Variants in LURAP1L observed in about 807,000 individuals in gnomAD.
LURAP1L encodes leucine rich adaptor protein 1 like, also known as leucine rich adaptor protein 1-like.
Under a neutral mutation model 13.8 loss-of-function variants are expected in LURAP1L, and 12 were observed. The ratio of observed to expected loss-of-function variants is 0.87; its 90% CI spans 0.56 to 1.41. LURAP1L has a LOEUF of 1.41. LURAP1L is among the 40% of genes most tolerant of loss of function. The pLI, the probability that LURAP1L is intolerant of heterozygous loss-of-function variation, is 0.00. For missense variants in LURAP1L, 375 were observed against 292.9 expected (o/e 1.28, Z -2.04); for synonymous variants, 139 against 119.2 (o/e 1.17, Z -1.08).
intron 1 of LURAP1L, among the ~76,000 whole-genome samples, chr9:12,799,392 T>C (rs1474576188): frequency 6.6e-6 from 1 of 152,206 alleles, no homozygotes; most frequent in Non-Finnish European, 1.5e-5. Context: ...ATAATATCAG[T>C]GATATTTACA....
At chr9:12,806,822 T>C (rs2118526440) in intron 1 of LURAP1L, among the ~76,000 whole-genome samples, 1 of 151,916 alleles carries the variant, frequency 6.6e-6, no homozygotes, top group Non-Finnish European at 1.5e-5. Flanking sequence ...CGCTATGCTC[T>C]ACCAGGGTCT....
At chr9:12,802,547 G>A (rs1309077210) in intron 1 of LURAP1L, among the ~76,000 whole-genome samples, 1 of 152,164 alleles carries the variant, frequency 6.6e-6, no homozygotes, top group Admixed American at 6.5e-5. Flanking sequence ...GCAGATACCA[G>A]CTTCAGCTTC....
chr9:12,813,606 A>G (rs537459337), intron 1 of LURAP1L, among the ~76,000 whole-genome samples: 1 of 152,322 alleles, frequency 6.6e-6, no homozygotes, highest in Admixed American at 6.5e-5. Context: ...GCAGATTGAA[A>G]TTGAAATTTG....
intron 1 of LURAP1L, among the ~76,000 whole-genome samples, chr9:12,783,075 T>C (rs1819294790): frequency 6.6e-6 from 1 of 152,188 alleles, no homozygotes; most frequent in South Asian, 2.1e-4. Context: ...CCTACAACTT[T>C]ACTCAACTTA....
intron 1 of LURAP1L, among the ~76,000 whole-genome samples, chr9:12,810,882 A>AAAAAC (rs200268159): frequency 2.0e-5 from 3 of 152,188 alleles, no homozygotes; most frequent in Admixed American, 6.5e-5. Flanking sequence ...ACACCACATG[A>AAAAAC]AAAACAAAAC....
In LURAP1L at chr9:12,776,104, G is replaced by A. The variant is rs73403628; in HGVS notation, c.312+77G>A. 3,988 of 1,438,704 alleles carry A rather than the reference G, an allele frequency of 2.8e-3. 80 individuals are homozygous for A. The African/African-American group carries it at 0.047, about 17-fold the overall frequency. The allele number at this position is 1,438,704 out of a possible 1,614,324, so 89.1% of individuals were successfully genotyped here. On this transcript the variant is annotated intron_variant, in intron 1 of 1. Transcript: ENST00000319264. Reference sequence around the variant, plus strand: ...ATGGGGCGATCTGAGAATGGGGCTGGGAGAGAGGACGGCAGGGGCTGCAGA... The same window carrying A: ...ATGGGGCGATCTGAGAATGGGGCTGAGAGAGAGGACGGCAGGGGCTGCAGA...
chr9:12,817,932 T>G (rs976862130), intron 1 of LURAP1L, among the ~76,000 whole-genome samples: 10 of 152,114 alleles, frequency 6.6e-5, no homozygotes, highest in Non-Finnish European at 1.5e-4. Flanking sequence ...CTCCTGGTAA[T>G]GGACCTGCCA....
chr9:12,776,905 G>A lies in LURAP1L; in HGVS notation c.312+878G>A, dbSNP rs137959213. Reference sequence around the variant, plus strand: ...TTGGGCACGTCACTTCACTTCTGTAGACCTCTGTGAATTTGATGAGCTGGT... The same window carrying A: ...TTGGGCACGTCACTTCACTTCTGTAAACCTCTGTGAATTTGATGAGCTGGT... On this transcript the variant is annotated intron_variant, in intron 1 of 1. Coordinates refer to ENST00000319264, the MANE Select transcript of LURAP1L (RefSeq NM_203403.2). Among the ~76,000 whole-genome samples, 181 of 152,154 alleles carry A rather than the reference G, an allele frequency of 1.2e-3. No homozygotes were observed. The East Asian group carries it at 0.025, about 21-fold the overall frequency.
chr9:12,776,095 A>C, intron 1 of LURAP1L, 68 bp downstream of exon 1: 1 of 1,489,766 alleles, frequency 6.7e-7, no homozygotes, highest in Non-Finnish European at 9.3e-7. Flanking sequence ...CGATCTGAGA[A>C]TGGGGCTGGG....
In LURAP1L at chr9:12,793,992, T is replaced by C. The variant is rs138209859; in HGVS notation, c.312+17965T>C. On this transcript the variant is annotated intron_variant, in intron 1 of 1. Coordinates refer to ENST00000319264, the MANE Select transcript of LURAP1L (RefSeq NM_203403.2). The stretch of plus-strand genomic sequence containing the variant: ...TTATAGCACAAACTTGTTATTGGCA[T>C]TAATAAACAAGCCTGTTGAAATGAT... Among the ~76,000 whole-genome samples, 84 of 152,220 alleles carry C rather than the reference T, an allele frequency of 5.5e-4. 1 individual carries two copies. The highest frequency in any genetic ancestry group is 1.9e-3 in the African/African-American group (77 of 41,564).
intron 1 of LURAP1L, among the ~76,000 whole-genome samples, chr9:12,787,164 G>C (rs932480844): frequency 1.3e-5 from 2 of 152,020 alleles, no homozygotes; most frequent in African/African-American, 4.8e-5. Flanking sequence ...CTATTCCCTA[G>C]AGATGATTCT....
intron 1 of LURAP1L, among the ~76,000 whole-genome samples, chr9:12,786,582 A>ATATATATATATATATATAT (rs55704493): frequency 1.1e-3 from 127 of 113,506 alleles, no homozygotes; most frequent in Non-Finnish European, 1.5e-3. Context: ...ATATATATAT[A>ATATATATATATATATATAT]AACCCTTGTG....
chr9:12,785,473 A>G (rs1023564636), intron 1 of LURAP1L, among the ~76,000 whole-genome samples: 5 of 151,994 alleles, frequency 3.3e-5, no homozygotes, highest in African/African-American at 9.7e-5. Flanking sequence ...GCTACCTTTC[A>G]AGTTTATTTA....
intron 1 of LURAP1L, among the ~76,000 whole-genome samples, chr9:12,810,072 G>A (rs1457353163): frequency 6.6e-6 from 1 of 152,126 alleles, no homozygotes; most frequent in Admixed American, 6.6e-5. Context: ...GTTAGGTTCT[G>A]GTAAAATAGA....
intron 1 of LURAP1L, among the ~76,000 whole-genome samples, chr9:12,801,341 G>A (rs1187431694): frequency 6.6e-6 from 1 of 151,552 alleles, no homozygotes; most frequent in Non-Finnish European, 1.5e-5. Context: ...AAGCTGTTAA[G>A]AAACTCGCTC....
At chr9:12,785,504 C>T (rs1248942612) in intron 1 of LURAP1L, among the ~76,000 whole-genome samples, 1 of 152,170 alleles carries the variant, frequency 6.6e-6, no homozygotes, top group African/African-American at 2.4e-5. Flanking sequence ...GCACTTTAGC[C>T]TGCAGTGTTG....
intron 1 of LURAP1L, among the ~76,000 whole-genome samples, chr9:12,786,466 T>C (rs1478651324): frequency 6.7e-6 from 1 of 148,788 alleles, no homozygotes; most frequent in East Asian, 2.0e-4. Context: ...ATTTTTAATG[T>C]AATTCAGTGA....
At chr9:12,806,566 A>G (rs1463513989) in intron 1 of LURAP1L, among the ~76,000 whole-genome samples, 1 of 152,140 alleles carries the variant, frequency 6.6e-6, no homozygotes, top group African/African-American at 2.4e-5. Context: ...CCATTTTATC[A>G]TGGAAGAGAC....
intron 1 of LURAP1L, among the ~76,000 whole-genome samples, chr9:12,792,546 T>G (rs1188394843): frequency 6.6e-6 from 1 of 152,102 alleles, no homozygotes; most frequent in Non-Finnish European, 1.5e-5. Flanking sequence ...GATAGAGTAT[T>G]TGTCCAATAA....
Sources: gnomAD v4.1 joint callset for allele counts (sites outside exome capture counted in the v4.1 genomes callset) on GRCh38, gnomAD v4.1.1 for gene constraint, MANE v1.5 for transcripts, NCBI Gene and HGNC (gene_info 2026-07-23, HGNC 2026-07-21) for gene names.